Variants in ZBTB20 observed in about 807,000 individuals in gnomAD.
ZBTB20 encodes zinc finger and BTB domain containing 20, also known as zinc finger and BTB domain-containing protein 20.
ZBTB20 carries 9 observed loss-of-function variants against 56.9 expected under a neutral mutation model. The ratio of observed to expected loss-of-function variants is 0.16; its 90% CI spans 0.10 to 0.28. ZBTB20 has a LOEUF of 0.28. Among genes scored for constraint, ZBTB20 ranks in the 10% least tolerant of loss-of-function variants. The probability of loss-of-function intolerance (pLI) is 1.00; values close to 1 mark genes in which losing one functional copy is unlikely to be tolerated. For missense variants in ZBTB20, 655 were observed against 1,003.0 expected (o/e 0.65, Z 4.69); for synonymous variants, 417 against 420.7 (o/e 0.99, Z 0.11).
chr3:114,588,309 C>A (rs2055391090), intron 6 of ZBTB20, among the ~76,000 whole-genome samples: 1 of 152,144 alleles, frequency 6.6e-6, no homozygotes, highest in Admixed American at 6.5e-5. Flanking sequence ...CAGAGCTATG[C>A]AAATCAAGCT....
At chr3:115,024,279 T>A (rs1363274839) in intron 2 of ZBTB20, among the ~76,000 whole-genome samples, 1 of 150,992 alleles carries the variant, frequency 6.6e-6, no homozygotes, top group Non-Finnish European at 1.5e-5. Context: ...CTATGGTAAG[T>A]GCTATTGATA....
At chr3:115,127,064 T>C in intron 1 of ZBTB20, among the ~76,000 whole-genome samples, 1 of 152,202 alleles carries the variant, frequency 6.6e-6, no homozygotes, top group Non-Finnish European at 1.5e-5. Context: ...AATTATTCTT[T>C]AGGTCTGAAG....
intron 4 of ZBTB20, among the ~76,000 whole-genome samples, chr3:114,818,833 A>G (rs551567730): frequency 6.6e-6 from 1 of 152,128 alleles, no homozygotes; most frequent in Admixed American, 6.5e-5. Context: ...ATAGTCAATG[A>G]AATAGGATAT....
chr3:114,742,718 G>T (rs1194924614), intron 5 of ZBTB20, among the ~76,000 whole-genome samples: 3 of 152,112 alleles, frequency 2.0e-5, no homozygotes, highest in African/African-American at 7.2e-5. Context: ...TAGGCCAGTG[G>T]TTTTTTAACC....
chr3:115,043,631 T>TAA (rs1463925917), intron 2 of ZBTB20, among the ~76,000 whole-genome samples: 2 of 131,530 alleles, frequency 1.5e-5, no homozygotes, highest in Non-Finnish European at 3.3e-5. Context: ...TAAAATAAAA[T>TAA]AATAAAATAA....
chr3:114,814,764 C>A (rs1322082027), intron 4 of ZBTB20, among the ~76,000 whole-genome samples: 3 of 152,206 alleles, frequency 2.0e-5, no homozygotes, highest in Non-Finnish European at 4.4e-5. Context: ...AGAGCAGACA[C>A]AACTGATTAT....
chr3:114,405,054 AAAAC>A (rs2087178208), intron 7 of ZBTB20, among the ~76,000 whole-genome samples: 1 of 152,128 alleles, frequency 6.6e-6, no homozygotes, highest in Non-Finnish European at 1.5e-5. Flanking sequence ...ATACCAGAGA[AAAAC>A]TTTCAAGGGT....
chr3:115,127,952 A>C (rs2084380176), intron 1 of ZBTB20, among the ~76,000 whole-genome samples: 1 of 152,214 alleles, frequency 6.6e-6, no homozygotes, highest in African/African-American at 2.4e-5. Flanking sequence ...GATTAAAATA[A>C]ACAGATCGCT....
chr3:114,524,579 T>C (rs936728281), intron 6 of ZBTB20, among the ~76,000 whole-genome samples: 1 of 152,132 alleles, frequency 6.6e-6, no homozygotes, highest in African/African-American at 2.4e-5. Flanking sequence ...CCTCAATGTT[T>C]CCTCTCTCTC....
In ZBTB20 at chr3:114,715,404, C is replaced by T. The variant is rs116394017; in HGVS notation, c.-342-21829G>A. On this transcript the variant is annotated intron_variant, in intron 5 of 11. Coordinates refer to ENST00000675478, the MANE Select transcript of ZBTB20 (RefSeq NM_001348800.3). ...GAAGGTTAGGGATAAGGTATGTGCA[C>T]GCTCCTTCACAGGAAATGTGCATCA... Among the ~76,000 whole-genome samples, 1,190 of 152,242 alleles carry T rather than the reference C, an allele frequency of 7.8e-3. 13 individuals carry two copies. The highest frequency in any genetic ancestry group is 0.027 in the African/African-American group (1,116 of 41,536).
At chr3:114,409,824 C>T (rs2108760381) in intron 7 of ZBTB20, among the ~76,000 whole-genome samples, 1 of 152,242 alleles carries the variant, frequency 6.6e-6, no homozygotes, top group South Asian at 2.1e-4. Context: ...ATAGAATTAT[C>T]TACTGAAAGA....
intron 4 of ZBTB20, among the ~76,000 whole-genome samples, chr3:114,830,908 A>T (rs1197894300): frequency 6.6e-6 from 1 of 151,820 alleles, no homozygotes; most frequent in Non-Finnish European, 1.5e-5. Flanking sequence ...GCCTGAATAC[A>T]AAAAGATAGG....
intron 5 of ZBTB20, among the ~76,000 whole-genome samples, chr3:114,789,267 G>A (rs912603446): frequency 6.6e-6 from 1 of 152,134 alleles, no homozygotes; most frequent in Admixed American, 6.6e-5. Flanking sequence ...TATGCATAAT[G>A]TTAAAGCTTT....
chr3:114,443,399 G>T (rs2091054434), intron 7 of ZBTB20, among the ~76,000 whole-genome samples: 1 of 152,228 alleles, frequency 6.6e-6, no homozygotes, highest in Admixed American at 6.5e-5. Flanking sequence ...GCTGTTGGGG[G>T]TCTGTGGGGA....
intron 4 of ZBTB20, among the ~76,000 whole-genome samples, chr3:114,873,410 A>G (rs1469521385): frequency 6.6e-6 from 1 of 152,148 alleles, no homozygotes; most frequent in Admixed American, 6.5e-5. Context: ...AGATGTTACT[A>G]AATTTATTTT....
At chr3:114,892,354 G>C (rs377706161) in intron 4 of ZBTB20, among the ~76,000 whole-genome samples, 1 of 152,296 alleles carries the variant, frequency 6.6e-6, no homozygotes, top group South Asian at 2.1e-4. Flanking sequence ...TCATTTAAAT[G>C]ATTCTGCAAA....
At position 115,091,443 on chromosome 3, in the gene ZBTB20, C is replaced by A. The variant is rs185794929; in HGVS notation, c.-702-20029G>T. 1.7e-3 allele frequency among the ~76,000 whole-genome samples: 266 copies of A among 152,010 alleles called. 1 individual carries two copies. The highest frequency in any genetic ancestry group is 6.8e-3 in the South Asian group (33 of 4,826). On this transcript the variant is annotated intron_variant, in intron 1 of 11. Coordinates refer to ENST00000675478, the MANE Select transcript of ZBTB20 (RefSeq NM_001348800.3). ...TTAAGTATGTTACCCCAAATAATAGCAAATTTGTTGTAAAGCTAGAATTAA... is the reference window on the plus strand; with the variant it reads ...TTAAGTATGTTACCCCAAATAATAGAAAATTTGTTGTAAAGCTAGAATTAA...
At chr3:115,062,625 G>T (rs1308024911) in intron 2 of ZBTB20, among the ~76,000 whole-genome samples, 1 of 151,730 alleles carries the variant, frequency 6.6e-6, no homozygotes, top group East Asian at 1.9e-4. Flanking sequence ...AATTCAAAAG[G>T]CACTTGATAT....
intron 2 of ZBTB20, among the ~76,000 whole-genome samples, chr3:114,997,666 A>T (rs578192074): frequency 2.6e-5 from 4 of 151,792 alleles, no homozygotes; most frequent in Non-Finnish European, 5.9e-5. Context: ...AAAATTAATC[A>T]ATACTGCAAA....
Sources: gnomAD v4.1 joint callset for allele counts (sites outside exome capture counted in the v4.1 genomes callset) on GRCh38, gnomAD v4.1.1 for gene constraint, MANE v1.5 for transcripts, NCBI Gene and HGNC (gene_info 2026-07-23, HGNC 2026-07-21) for gene names.